Variants in LIPA observed in about 807,000 individuals in gnomAD.
The protein encoded by LIPA is lysosomal acid lipase/cholesteryl ester hydrolase.
LIPA carries 26 observed loss-of-function variants against 40.6 expected under a neutral mutation model. That is an observed-to-expected ratio of 0.64 (90% CI 0.47 to 0.89). The LOEUF (loss-of-function observed/expected upper bound fraction) is 0.89. LIPA is among the 40% of genes least tolerant of loss of function. The pLI is 0.00. For synonymous variants in LIPA, 188 were observed against 168.4 expected (o/e 1.12, Z -0.90); for missense variants, 455 against 479.6 (o/e 0.95, Z 0.48).
At chr10:89,367,328 A>T (rs12243856) in intron 2 of LIPA, among the ~76,000 whole-genome samples, 2,700 of 151,662 alleles carry the variant, frequency 0.018, 38 homozygotes, top group African/African-American at 0.044. Flanking sequence ...TATAATAATT[A>T]AAAAAAAAGA....
intron 2 of LIPA, among the ~76,000 whole-genome samples, chr10:89,361,843 A>G (rs945428534): frequency 6.3e-5 from 9 of 143,452 alleles, no homozygotes; most frequent in African/African-American, 2.1e-4. Context: ...AGCTATGGGG[A>G]AAAAAAAATC....
At chr10:89,272,094 C>G (rs1456813053) in intron 1 of LIPA, among the ~76,000 whole-genome samples, 2 of 151,900 alleles carry the variant, frequency 1.3e-5, no homozygotes, top group Admixed American at 6.6e-5. Context: ...TTAAAAAAAA[C>G]TTTTGTTTTA....
chr10:89,405,759 C>T (rs1332144138), intron 2 of LIPA: 2 of 152,272 alleles, frequency 1.3e-5, no homozygotes, highest in Non-Finnish European at 2.9e-5. Flanking sequence ...TCTAAGGACG[C>T]ACCAGGTCCA....
chr10:89,215,101 G>T, intron 9 of LIPA, 40 bp from the exon 10 acceptor site: 1 of 1,455,816 alleles, frequency 6.9e-7, no homozygotes, highest in Non-Finnish European at 9.7e-7. Context: ...CGTTGTTGTT[G>T]TTGTTTTAAT....
rs143060464 is a variant in LIPA at position 89,367,838 on chromosome 10, A to C, written c.61+44953T>G. Among the ~76,000 whole-genome samples, 519 of 151,882 alleles carry C rather than the reference A, an allele frequency of 3.4e-3. 8 individuals carry two copies. Among genetic ancestry groups the C allele is most frequent in the African/African-American group, 0.011 (457 of 41,414 alleles). ...AACAGAAACTATTTTTTTTTTCCAG[A>C]GACAGGGCCTCACTCTGTCACCAAA... On this transcript the variant is annotated intron_variant, in intron 2 of 8. Transcript: ENST00000371837.
At chr10:89,229,838 C>A (rs1342460334) in intron 3 of LIPA, among the ~76,000 whole-genome samples, 1 of 151,796 alleles carries the variant, frequency 6.6e-6, no homozygotes, top group Non-Finnish European at 1.5e-5. Context: ...TACAATTCCA[C>A]TCTGTGAGGG....
chr10:89,339,970 G>T, intron 1 of LIPA: 1 of 1,614,226 alleles, frequency 6.2e-7, no homozygotes, highest in Non-Finnish European at 8.5e-7. Context: ...CAAATGTTAT[G>T]AGAAGGAACT....
intron 2 of LIPA, among the ~76,000 whole-genome samples, chr10:89,376,187 TAAAAAAA>T (rs66954730): frequency 2.0e-5 from 2 of 102,550 alleles, no homozygotes; most frequent in Non-Finnish European, 3.7e-5. Flanking sequence ...GACTCTATCT[TAAAAAAA>T]AAAAAAAAAA....
upstream of LIPA, chr10:89,252,163 A>C (rs1255190462): frequency 2.0e-5 from 3 of 152,268 alleles, no homozygotes; most frequent in Non-Finnish European, 4.4e-5. Flanking sequence ...TGGGCTCTAT[A>C]AATGAAAGTG....
At chr10:89,237,062 CCAGGT>C (rs933806000) in intron 3 of LIPA, among the ~76,000 whole-genome samples, 1 of 152,124 alleles carries the variant, frequency 6.6e-6, no homozygotes, top group African/African-American at 2.4e-5. Flanking sequence ...CCTCTTGAGG[CCAGGT>C]GTTCGAAACC....
chr10:89,322,567 C>A (rs1380109303), intron 1 of LIPA, among the ~76,000 whole-genome samples: 1 of 140,880 alleles, frequency 7.1e-6, no homozygotes, highest in Non-Finnish European at 1.6e-5. Flanking sequence ...CCCTGCCCAC[C>A]CCCGACCCCA....
chr10:89,252,750 G>A (rs1843146155), upstream of LIPA, among the ~76,000 whole-genome samples: 2 of 147,294 alleles, frequency 1.4e-5, no homozygotes, highest in South Asian at 2.1e-4. Flanking sequence ...AGGTTGCAGT[G>A]AGCGGAGATC....
At chr10:89,296,550 C>T (rs1432117332) in intron 1 of LIPA, among the ~76,000 whole-genome samples, 2 of 151,114 alleles carry the variant, frequency 1.3e-5, no homozygotes, top group Non-Finnish European at 1.5e-5. Flanking sequence ...ACTTGAAACT[C>T]TTGCGTAAGA....
chr10:89,382,499 TTCC>T (rs1844170730), intron 2 of LIPA, among the ~76,000 whole-genome samples: 2 of 152,216 alleles, frequency 1.3e-5, no homozygotes. Context: ...TTATTCTCTC[TTCC>T]TCATGAGTGG....
intron 1 of LIPA, among the ~76,000 whole-genome samples, chr10:89,265,820 G>A (rs1310081073): frequency 2.0e-5 from 3 of 152,220 alleles, no homozygotes; most frequent in Non-Finnish European, 4.4e-5. Context: ...CTCAACATGA[G>A]AGAACTAAAA....
chr10:89,411,645 C>T (rs1249656745), intron 2 of LIPA, among the ~76,000 whole-genome samples: 1 of 152,224 alleles, frequency 6.6e-6, no homozygotes, highest in Non-Finnish European at 1.5e-5. Context: ...CCTTACTCTA[C>T]AATCCCAAAC....
intron 2 of LIPA, among the ~76,000 whole-genome samples, chr10:89,359,972 T>C (rs812451): frequency 0.26 from 39,550 of 151,900 alleles, 5,732 homozygotes; most frequent in East Asian, 0.61. Flanking sequence ...TATAGTTCTA[T>C]AACTAGGAAT....
intron 2 of LIPA, among the ~76,000 whole-genome samples, chr10:89,354,417 G>T (rs12263989): frequency 6.6e-6 from 1 of 152,164 alleles, no homozygotes; most frequent in Admixed American, 6.5e-5. Flanking sequence ...TGGGCCATTG[G>T]TCACTCATAT....
At position 89,320,557 on chromosome 10, in the gene LIPA, T is replaced by C. The variant is rs557009785; in HGVS notation, c.-2+22054A>G. On this transcript the variant is annotated intron_variant, in intron 1 of 5. Coordinates refer to the LIPA transcript ENST00000282673. The stretch of plus-strand genomic sequence containing the variant: ...AGCAGAACTACAAACCACTGCTCAA[T>C]GAAATAAAAGAGGACACAAACAAAT... Among the ~76,000 whole-genome samples, 120 of 151,962 alleles carry C rather than the reference T, an allele frequency of 7.9e-4. 1 individual carries two copies. The highest frequency in any genetic ancestry group is 3.4e-3 in the Middle Eastern group (1 of 294).
Sources: allele counts gnomAD v4.1 joint callset (sites outside exome capture counted in the v4.1 genomes callset), GRCh38; gene constraint gnomAD v4.1.1; transcripts MANE v1.5; gene names NCBI Gene and HGNC (gene_info 2026-07-23, HGNC 2026-07-21).